Variants in ZSWIM5 observed in about 807,000 individuals in gnomAD.
The protein encoded by ZSWIM5 is zinc finger SWIM domain-containing protein 5.
A neutral mutation model predicts 119.6 loss-of-function variants in ZSWIM5; 55 were observed. The observed-to-expected ratio is 0.46, with a 90% CI of 0.37 to 0.58. The LOEUF is 0.58. Among genes scored for constraint, ZSWIM5 ranks in the 20% least tolerant of loss-of-function variants. The pLI is 0.00. For synonymous variants in ZSWIM5, 537 were observed against 606.9 expected (o/e 0.88, Z 1.69); for missense variants, 1,193 against 1,512.8 (o/e 0.79, Z 3.51).
chr1:45,093,492 T>A (rs1338385963), intron 1 of ZSWIM5, among the ~76,000 whole-genome samples: 1 of 152,236 alleles, frequency 6.6e-6, no homozygotes, highest in Non-Finnish European at 1.5e-5. Context: ...CTTGGGAACA[T>A]GTTCATTTGA....
rs764183103 is a variant in ZSWIM5, at chr1:45,018,927, G to C, written c.3085C>G (p.Leu1029Val). Residue 1029 changes from leucine to valine, a missense_variant, in exon 14 of 14, where the codon CTG becomes GTG. This residue lies in a region of ZSWIM5 where 961 missense variants were observed against 1,290.0 expected (regional missense o/e 0.74). Transcript: ENST00000359600. The surrounding 1 kb of genome is among the most constrained non-coding windows in gnomAD (Gnocchi z 6.7). The stretch of plus-strand genomic sequence containing the variant: ...GGGTGAGTATCCTGGTTGTAGGCCA[G>C]GTTAAGATGGCTCATGGCCAATGAG... Reference protein sequence around the residue: ...LASLAMSHLNLAYNQDTHPAI... With the variant: ...LASLAMSHLNVAYNQDTHPAI... 1.2e-6 allele frequency: 2 copies of C among 1,614,264 alleles called. No individual in the cohort carries two copies. The highest frequency in any genetic ancestry group is 2.2e-5 in the South Asian group (2 of 91,092).
At chr1:45,191,997 C>T (rs1646095716) in intron 1 of ZSWIM5, among the ~76,000 whole-genome samples, 1 of 152,156 alleles carries the variant, frequency 6.6e-6, no homozygotes, top group Admixed American at 6.5e-5. Context: ...AAGGAAATCC[C>T]ATACCCATTA....
chr1:45,174,086 C>T (rs1282852271), intron 1 of ZSWIM5, among the ~76,000 whole-genome samples: 1 of 151,886 alleles, frequency 6.6e-6, no homozygotes, highest in Non-Finnish European at 1.5e-5. Context: ...ACCAGCCTGG[C>T]CAACAAGGTA....
chr1:45,082,598 C>T (rs1173952392), intron 2 of ZSWIM5, among the ~76,000 whole-genome samples: 2 of 152,164 alleles, frequency 1.3e-5, no homozygotes, highest in Non-Finnish European at 2.9e-5. Context: ...TGTATCATTG[C>T]TTATACCAGT....
At chr1:45,117,567 G>C (rs962902325) in intron 1 of ZSWIM5, among the ~76,000 whole-genome samples, 3 of 152,304 alleles carry the variant, frequency 2.0e-5, no homozygotes, top group Non-Finnish European at 4.4e-5. Context: ...CAGCTACCTG[G>C]GAGATGAGGT....
At chr1:45,062,820 A>G (rs746072178) in intron 2 of ZSWIM5, among the ~76,000 whole-genome samples, 3 of 152,122 alleles carry the variant, frequency 2.0e-5, no homozygotes, top group Non-Finnish European at 4.4e-5. Flanking sequence ...TTTAAAAAAT[A>G]ATTTCAACTC....
rs959954825 is a variant in ZSWIM5, at chr1:45,020,910, G to T, written c.2450-122C>A. The T allele has an allele frequency of 6.7e-6, 8 of 1,193,154 alleles. No individual in the cohort carries two copies. In the African/African-American group the frequency reaches 1.1e-4, roughly 16 times the overall value. 73.9% of individuals were successfully genotyped at this position (1,193,154 alleles called of 1,614,324 possible). A position where few individuals can be genotyped will look rare whatever the true frequency, so the allele number is the denominator to read the frequency against. On this transcript the variant is annotated intron_variant, in intron 11 of 13. Coordinates refer to ENST00000359600, the MANE Select transcript of ZSWIM5 (RefSeq NM_020883.2). ...TCATTGAATGCTTCTGAATGCTACC[G>T]CCCCTTCTGGGTTATCGAGCTGTCT...
intron 1 of ZSWIM5, among the ~76,000 whole-genome samples, chr1:45,106,949 A>C (rs1371518882): frequency 6.6e-6 from 1 of 152,226 alleles, no homozygotes; most frequent in African/African-American, 2.4e-5. Context: ...TGTGCGTGTC[A>C]ACTCAGGGTT....
rs1288474074 is a variant in ZSWIM5 at position 45,019,626 on chromosome 1, C to T, written c.2696-310G>A. On this transcript the variant is annotated intron_variant, in intron 13 of 13. Coordinates refer to ENST00000359600, the MANE Select transcript of ZSWIM5 (RefSeq NM_020883.2). The surrounding 1 kb of genome is among the most constrained non-coding windows in gnomAD (Gnocchi z 5.0). ...CCCTGAGGCATGGGTTACAGATCTG[C>T]CAGGGGTTCTAGCTGAAGTGGGGCC... 1.3e-5 allele frequency among the ~76,000 whole-genome samples: 2 copies of T among 152,124 alleles called. No individual in the cohort carries two copies. Among genetic ancestry groups the T allele is most frequent in the Non-Finnish European group, 2.9e-5 (2 of 68,030 alleles).
At chr1:45,096,554 G>GCACA (rs371529571) in intron 1 of ZSWIM5, among the ~76,000 whole-genome samples, 15 of 135,304 alleles carry the variant, frequency 1.1e-4, no homozygotes, top group Non-Finnish European at 1.7e-4. Flanking sequence ...ACACACACAC[G>GCACA]CACACACACA....
At position 45,072,718 on chromosome 1, in the gene ZSWIM5, A is replaced by G. The variant is rs1028732056; in HGVS notation, c.953-12471T>C. 6.7e-4 allele frequency among the ~76,000 whole-genome samples: 102 copies of G among 152,146 alleles called. 2 individuals carry two copies. Among genetic ancestry groups the G allele is most frequent in the African/African-American group, 2.3e-3 (96 of 41,384 alleles). On this transcript the variant is annotated intron_variant, in intron 2 of 13. Transcript: ENST00000359600. The surrounding 1 kb of genome is among the most constrained non-coding windows in gnomAD (Gnocchi z 4.1). ...TGTATGTTCTTGGCACCTTTGTAACAAATGAGTTCAGTGTACGTGTGTGGA... is the reference window on the plus strand; with the variant it reads ...TGTATGTTCTTGGCACCTTTGTAACGAATGAGTTCAGTGTACGTGTGTGGA...
intron 2 of ZSWIM5, among the ~76,000 whole-genome samples, chr1:45,073,431 G>A (rs889282283): frequency 6.6e-6 from 1 of 150,854 alleles, no homozygotes; most frequent in Admixed American, 6.6e-5. Context: ...GGTAATTTTT[G>A]TATTTTTAGT....
At chr1:45,122,972 C>A (rs539116501) in intron 1 of ZSWIM5, among the ~76,000 whole-genome samples, 17 of 152,212 alleles carry the variant, frequency 1.1e-4, no homozygotes, top group Admixed American at 1.1e-3. Context: ...GTAACGAGGC[C>A]ACCACCCTTC....
At chr1:45,205,718 G>T (rs780377910) in intron 1 of ZSWIM5, 38 bp downstream of exon 1, 1 of 1,498,168 alleles carries the variant, frequency 6.7e-7, no homozygotes, top group Non-Finnish European at 8.9e-7. Flanking sequence ...CGCGGAAGAG[G>T]AGGCTGAGGA....
chr1:45,075,034 CTT>C (rs764857454), intron 2 of ZSWIM5, among the ~76,000 whole-genome samples: 4 of 151,852 alleles, frequency 2.6e-5, no homozygotes, highest in African/African-American at 7.3e-5. Flanking sequence ...CAAAATTCCT[CTT>C]GTTATTGATT....
chr1:45,094,724 G>A (rs964560354), intron 1 of ZSWIM5, among the ~76,000 whole-genome samples: 3 of 152,056 alleles, frequency 2.0e-5, no homozygotes, highest in Non-Finnish European at 4.4e-5. Flanking sequence ...TTAGCCAGGC[G>A]TGGTGGTGCA....
chr1:45,184,773 T>C (rs906682890), intron 1 of ZSWIM5, among the ~76,000 whole-genome samples: 2 of 152,060 alleles, frequency 1.3e-5, no homozygotes, highest in African/African-American at 4.8e-5. Context: ...TGGAAGAACA[T>C]TCCATGCTCA....
chr1:45,126,028 G>A (rs1645619079), intron 1 of ZSWIM5, among the ~76,000 whole-genome samples: 1 of 151,612 alleles, frequency 6.6e-6, no homozygotes, highest in East Asian at 1.9e-4. Context: ...TGATTGCACC[G>A]CTGCACTCCA....
At chr1:45,060,036 T>G (rs548063534) in intron 3 of ZSWIM5, 63 bp downstream of exon 3, 11 of 1,581,166 alleles carry the variant, frequency 7.0e-6, no homozygotes, top group Non-Finnish European at 8.7e-6. Flanking sequence ...AAGTGTGGTG[T>G]GCCCAGTCTG....
Sources: allele counts gnomAD v4.1 joint callset (sites outside exome capture counted in the v4.1 genomes callset), GRCh38; gene constraint gnomAD v4.1.1; regional missense constraint gnomAD v4.1.1; non-coding constraint Gnocchi (gnomAD v3.1); transcripts MANE v1.5; gene names NCBI Gene and HGNC (gene_info 2026-07-23, HGNC 2026-07-21).